The following VASN variants were observed in gnomAD, a reference collection of about 807,000 sequenced individuals.
VASN encodes vasorin.
A neutral mutation model predicts 4.8 loss-of-function variants in VASN; 5 were observed. The observed-to-expected ratio is 1.03, with a 90% confidence interval of 0.54 to 2.17. The LOEUF (loss-of-function observed/expected upper bound fraction) is 2.17. Ranked by LOEUF, VASN falls within the 30% of genes most tolerant of loss-of-function variation. The pLI is 0.01. For synonymous variants in VASN, 499 were observed against 460.8 expected, an observed-to-expected ratio of 1.08 and a Z score of -1.06; for missense variants, 927 against 948.8, an observed-to-expected ratio of 0.98 and a Z score of 0.30.
chr16:4,372,144 C>A (rs944682549), intron 1 of VASN, among the ~76,000 whole-genome samples, 151 bp downstream of exon 1: 1 of 151,830 alleles, frequency 6.6e-6, no homozygotes, highest in African/African-American at 2.4e-5. Flanking sequence ...GGCCGCCCGG[C>A]GGGCAGGCCC....
Position 4,381,900 on chromosome 16 carries a change from GCTTGACTACGCCGA to G in VASN, c.1027_1040del (p.Asp343TrpfsTer27), listed in dbSNP as rs1707832714. The G allele has an allele frequency of 6.2e-7, 1 of 1,605,874 alleles. No individual in the cohort carries two copies. The highest frequency in any genetic ancestry group is 8.5e-7 in the Non-Finnish European group (1 of 1,179,274). On this transcript the variant is annotated frameshift_variant, in exon 2 of 2. Coordinates refer to ENST00000304735, the MANE Select transcript of VASN (RefSeq NM_138440.3). LOFTEE classifies it low-confidence loss of function (END_TRUNC). ...AGAACGCTGGCCGGCTGCTCCTGGA[GCTTGACTACGCCGA>G]CTTTGGCTGCCCAGCCACCACCACC...
At position 4,381,227 on chromosome 16, in the gene VASN, A is replaced by G. The variant is rs1288526677; in HGVS notation, c.350A>G (p.Asn117Ser). The change falls in exon 2 of 2, where the codon AAT becomes AGT. Residue 117 changes from asparagine to serine, a missense_variant. Coordinates refer to ENST00000304735, the MANE Select transcript of VASN (RefSeq NM_138440.3). ...GCCAACAGGCTGCATGAAATCACCA[A>G]TGAGACCTTCCGTGGCCTGCGGCGC... is the stretch of plus-strand genomic sequence containing the variant. ...LTANRLHEIT[N>S]ETFRGLRRLE... is the part of the protein sequence containing the mutation. 19 of 1,612,098 alleles carry G rather than the reference A, an allele frequency of 1.2e-5. No homozygotes were observed. The highest frequency in any genetic ancestry group is 1.7e-5 in the Admixed American group (1 of 59,908).
chr16:4,380,628 CA>C (rs2054922257), intron 1 of VASN, among the ~76,000 whole-genome samples: 1 of 152,222 alleles, frequency 6.6e-6, no homozygotes, highest in African/African-American at 2.4e-5. Flanking sequence ...ATGGTCACTG[CA>C]CGTTCAGTGG....
Position 4,381,983 on chromosome 16 carries a change from C to T in VASN, c.1106C>T (p.Thr369Ile). 1.2e-6 allele frequency: 2 copies of T among 1,607,836 alleles called. No individual in the cohort carries two copies. The highest frequency in any genetic ancestry group is 1.7e-6 in the Non-Finnish European group (2 of 1,178,534). The change falls in exon 2 of 2, where the codon ACA becomes ATA. Residue 369 changes from threonine to isoleucine, a missense_variant. Thr to Ile is a moderately conservative substitution (Grantham distance 89). Coordinates refer to ENST00000304735, the MANE Select transcript of VASN (RefSeq NM_138440.3). Reference protein sequence around the residue: ...PTTRPVVREPTALSSSLAPTW... With the variant: ...PTTRPVVREPIALSSSLAPTW... ...ACGAGGCCCGTGGTGCGGGAGCCCA[C>T]AGCCTTGTCTTCTAGCTTGGCTCCT... is the stretch of plus-strand genomic sequence containing the variant.
intron 1 of VASN, among the ~76,000 whole-genome samples, chr16:4,378,959 C>T (rs1180092767): frequency 1.3e-5 from 2 of 152,048 alleles, no homozygotes; most frequent in Non-Finnish European, 2.9e-5. Flanking sequence ...CCTGCGTGGG[C>T]CCAACCCCGG....
Position 4,382,897 on chromosome 16 carries a change from T to G in VASN, c.2020T>G (p.Ter674GluextTer15). ...QSPLHAKPYI[*>E] ...ACCCCTCCACGCAAAGCCCTACATCTAAGCCAGAGAGAGACAGGGCAGCTG... is the reference window on the plus strand; with the variant it reads ...ACCCCTCCACGCAAAGCCCTACATCGAAGCCAGAGAGAGACAGGGCAGCTG... Residue 674 changes from the stop codon to glutamate (E), a stop_lost, in exon 2 of 2, where the codon TAA becomes GAA. Transcript: ENST00000304735. The G allele has an allele frequency of 2.0e-6, 3 of 1,511,368 alleles. No individual in the cohort carries two copies. Among genetic ancestry groups the G allele is most frequent in the Non-Finnish European group, 2.7e-6 (3 of 1,130,808 alleles). 93.6% of individuals were successfully genotyped at this position (1,511,368 alleles called of 1,614,324 possible). A position where few individuals can be genotyped will look rare whatever the true frequency, so the allele number is the denominator to read the frequency against.
chr16:4,373,046 C>T (rs1433490336), intron 1 of VASN, among the ~76,000 whole-genome samples: 3 of 152,098 alleles, frequency 2.0e-5, no homozygotes, highest in African/African-American at 4.8e-5. Flanking sequence ...CGGGCTGGGA[C>T]CTTCCAAGCA....
chr16:4,380,284 G>A (rs1035596913), intron 1 of VASN, among the ~76,000 whole-genome samples: 1 of 152,170 alleles, frequency 6.6e-6, no homozygotes, highest in Non-Finnish European at 1.5e-5. Flanking sequence ...GCCACTTCCT[G>A]GCGGCCCGCA....
chr16:4,378,255 C>T (rs1322178219), intron 1 of VASN, among the ~76,000 whole-genome samples: 1 of 152,176 alleles, frequency 6.6e-6, no homozygotes, highest in African/African-American at 2.4e-5. Context: ...GCTTGGACAC[C>T]TCTGAGCACA....
chr16:4,376,088 G>A lies in VASN; in HGVS notation c.-10+4095G>A, dbSNP rs554269779. Among the ~76,000 whole-genome samples, 13 of 152,292 alleles carry A rather than the reference G, an allele frequency of 8.5e-5. No homozygotes were observed. The East Asian group carries it at 2.5e-3, about 29-fold the overall frequency. On this transcript the variant is annotated intron_variant, in intron 1 of 1. Coordinates refer to ENST00000304735, the MANE Select transcript of VASN (RefSeq NM_138440.3). ...GCTCAATCACCAGCCAGGGGTCCCC[G>A]CGCCTATAGGGAGGGTCTACCTGCC...
chr16:4,383,123 T>A lies in VASN; in HGVS notation c.*224T>A. ...CCTAACGTCCCCAGAACCGAGTGCC[T>A]ATGAGGACAGTGTCCGCCCTGCCCT... On this transcript the variant is annotated 3_prime_UTR_variant, in exon 2 of 2. Transcript: ENST00000304735. The A allele has an allele frequency of 1.8e-6, 1 of 541,466 alleles. No individual in the cohort carries two copies. Among genetic ancestry groups the A allele is most frequent in the Non-Finnish European group, 3.2e-6 (1 of 309,004 alleles). 33.5% of individuals were successfully genotyped at this position (541,466 alleles called of 1,614,324 possible). A position where few individuals can be genotyped will look rare whatever the true frequency, so the allele number is the denominator to read the frequency against.
chr16:4,380,725 G>C, intron 1 of VASN, 144 bp from the exon 2 acceptor site: 1 of 889,694 alleles, frequency 1.1e-6, no homozygotes, highest in Non-Finnish European at 1.6e-6. Context: ...CCTGGGTCGG[G>C]GCACTGGCGA....
intron 1 of VASN, among the ~76,000 whole-genome samples, chr16:4,375,704 G>T (rs560511476): frequency 5.9e-5 from 9 of 152,328 alleles, no homozygotes; most frequent in African/African-American, 1.9e-4. Context: ...TAGCCAGGAT[G>T]GTCTCGATCT....
chr16:4,382,856 G>A lies in VASN; in HGVS notation c.1979G>A (p.Gly660Glu), dbSNP rs771044847. The A allele has an allele frequency of 8.9e-6, 14 of 1,579,212 alleles. No homozygotes were observed. Among genetic ancestry groups the A allele is most frequent in the Admixed American group, 1.8e-5 (1 of 54,636 alleles). Residue 660 changes from glycine to glutamate, a missense_variant, in exon 2 of 2, where the codon GGG becomes GAG. Gly to Glu is a moderately conservative substitution (Grantham distance 98, BLOSUM62 -2). Transcript: ENST00000304735. Reference protein sequence around the residue: ...ECEVPLMGFPGPGLQSPLHAK... With the variant: ...ECEVPLMGFPEPGLQSPLHAK... ...GAGGTGCCACTCATGGGCTTCCCAG[G>A]GCCTGGCCTCCAGTCACCCCTCCAC...
rs1325409487 is a variant in VASN at position 4,382,360 on chromosome 16, C to T, written c.1483C>T (p.Arg495Cys). 5.6e-6 allele frequency: 9 copies of T among 1,611,944 alleles called. No homozygotes were observed. Among genetic ancestry groups the T allele is most frequent in the Non-Finnish European group, 7.6e-6 (9 of 1,179,666 alleles). ...GAGCTCCGTGCAGCTCAGGAGCCTC[C>T]GTCTCACCTATCGCAACCTATCGGG... is the stretch of plus-strand genomic sequence containing the variant. ...QGSSVQLRSLRLTYRNLSGPD... is the reference protein window; with the variant it reads ...QGSSVQLRSLCLTYRNLSGPD... Residue 495 changes from arginine to cysteine, a missense_variant, in exon 2 of 2, where the codon CGT becomes TGT. Physicochemically the swap from Arg to Cys is radical, Grantham distance 180. Coordinates refer to ENST00000304735, the MANE Select transcript of VASN (RefSeq NM_138440.3).
intron 1 of VASN, among the ~76,000 whole-genome samples, chr16:4,374,763 G>A (rs897983397): frequency 2.0e-5 from 3 of 152,268 alleles, no homozygotes; most frequent in South Asian, 2.1e-4. Flanking sequence ...TGATTGTGGG[G>A]GGTTCGGCAT....
At chr16:4,378,022 T>G (rs2054810278) in intron 1 of VASN, among the ~76,000 whole-genome samples, 1 of 152,132 alleles carries the variant, frequency 6.6e-6, no homozygotes, top group Non-Finnish European at 1.5e-5. Flanking sequence ...CCTTGCTGAT[T>G]AAAGACCCAA....
chr16:4,372,840 G>A (rs548949943), intron 1 of VASN, among the ~76,000 whole-genome samples: 6 of 152,304 alleles, frequency 3.9e-5, no homozygotes, highest in African/African-American at 1.4e-4. Context: ...CAGGGTGGAA[G>A]GAAGAGGTCC....
At chr16:4,380,407 G>A (rs944270979) in intron 1 of VASN, among the ~76,000 whole-genome samples, 4 of 152,384 alleles carry the variant, frequency 2.6e-5, no homozygotes, top group African/African-American at 4.8e-5. Context: ...GACACGGAGC[G>A]TGGCAGCAGG....
Sources: gnomAD v4.1 joint callset for allele counts (sites outside exome capture counted in the v4.1 genomes callset) on GRCh38, gnomAD v4.1.1 for gene constraint, MANE v1.5 for transcripts, NCBI Gene and HGNC (gene_info 2026-07-23, HGNC 2026-07-21) for gene names.